CAST: variants seen among roughly 807,000 people sequenced by gnomAD.
CAST encodes the protein MIR583 host.
In CAST, 76 loss-of-function variants were observed where a neutral mutation model predicts 119.6. The ratio of observed to expected loss-of-function variants is 0.64; its 90% CI spans 0.53 to 0.77. The LOEUF (loss-of-function observed/expected upper bound fraction) is 0.77. Ranked by LOEUF, CAST falls within the 30% of genes least tolerant of loss-of-function variation. The pLI, the probability that CAST is intolerant of heterozygous loss-of-function variation, is 0.00. For missense variants in CAST, 953 were observed against 946.5 expected, an observed-to-expected ratio of 1.01 and a Z score of -0.09; for synonymous variants, 319 against 331.6, an observed-to-expected ratio of 0.96 and a Z score of 0.41.
chr5:96,128,310 C>T, the CAST span, among the ~76,000 whole-genome samples: 2 of 151,958 alleles, frequency 1.3e-5, no homozygotes, highest in South Asian at 4.1e-4. Flanking sequence ...TGAACGGGAG[C>T]GTTTATTTTG....
chr5:96,731,751 T>G, intron 9 of CAST, among the ~76,000 whole-genome samples: 1 of 138,400 alleles, frequency 7.2e-6, no homozygotes, highest in Non-Finnish European at 1.5e-5. Context: ...GAATATGCGG[T>G]GTTTGGTTTT....
chr5:96,530,544 A>G (rs190489858), intron 1 of CAST, among the ~76,000 whole-genome samples: 159 of 152,304 alleles, frequency 1.0e-3, no homozygotes, highest in African/African-American at 3.7e-3. Context: ...CATGTCCATA[A>G]ACACTTTAAA....
the CAST span, among the ~76,000 whole-genome samples, chr5:96,383,262 A>AC: frequency 9.3e-5 from 14 of 151,348 alleles, no homozygotes; most frequent in African/African-American, 2.9e-4. Flanking sequence ...AATGGAGGAA[A>AC]GCATTTCTAG....
At chr5:96,017,625 T>C in the CAST span, among the ~76,000 whole-genome samples, 1 of 152,188 alleles carries the variant, frequency 6.6e-6, no homozygotes, top group Admixed American at 6.5e-5. Context: ...TTGACATCAT[T>C]ATCAAGAGTC....
intron 27 of CAST, among the ~76,000 whole-genome samples, chr5:96,767,047 C>G (rs76989939): frequency 6.6e-4 from 101 of 152,238 alleles, no homozygotes; most frequent in Non-Finnish European, 1.0e-3. Flanking sequence ...AAGGCCCTTG[C>G]CTTTGAAGCT....
At chr5:96,722,355 T>G (rs1257231506) in intron 3 of CAST, among the ~76,000 whole-genome samples, 1 of 152,236 alleles carries the variant, frequency 6.6e-6, no homozygotes, top group Non-Finnish European at 1.5e-5. Context: ...ACAAGGTAGT[T>G]GTTAACTACT....
At chr5:96,395,606 C>T in the CAST span, among the ~76,000 whole-genome samples, 4 of 151,922 alleles carry the variant, frequency 2.6e-5, no homozygotes, top group Non-Finnish European at 1.5e-5. Context: ...AACATATGGG[C>T]ACAGGGAGGG....
chr5:96,740,816 T>A (rs766966636), intron 13 of CAST, 33 bp downstream of exon 13: 1 of 1,445,316 alleles, frequency 6.9e-7, no homozygotes, highest in Admixed American at 1.7e-5. Context: ...TGATCTAAAT[T>A]AATAGTTTTA....
At chr5:95,976,359 G>A in the CAST span, among the ~76,000 whole-genome samples, 1 of 151,876 alleles carries the variant, frequency 6.6e-6, no homozygotes, top group Admixed American at 6.6e-5. Context: ...TTAGCAACGG[G>A]GAGTCAGATT....
chr5:95,972,321 C>A, the CAST span, among the ~76,000 whole-genome samples: 1 of 151,968 alleles, frequency 6.6e-6, no homozygotes, highest in Non-Finnish European at 1.5e-5. Context: ...AGCTGCCCAA[C>A]TATTGCTCAT....
At chr5:96,029,838 A>G in the CAST span, among the ~76,000 whole-genome samples, 8 of 152,132 alleles carry the variant, frequency 5.3e-5, no homozygotes, top group Admixed American at 5.2e-4. Flanking sequence ...TGTGAAATTA[A>G]TGTTCACTTC....
At chr5:96,660,228 A>G (rs1314843857), upstream of CAST, among the ~76,000 whole-genome samples, 1 of 152,068 alleles carries the variant, frequency 6.6e-6, no homozygotes, top group African/African-American at 2.4e-5. Flanking sequence ...CTCACCAGCT[A>G]GCCAGCCTGC....
the CAST span, among the ~76,000 whole-genome samples, chr5:96,481,994 G>A: frequency 6.6e-6 from 1 of 152,080 alleles, no homozygotes; most frequent in African/African-American, 2.4e-5. Flanking sequence ...TGGCCTTGGT[G>A]CCCCACATCA....
chr5:96,336,273 A>G, the CAST span, among the ~76,000 whole-genome samples: 2 of 152,138 alleles, frequency 1.3e-5, no homozygotes, highest in Admixed American at 1.3e-4. Context: ...TTGCACATTT[A>G]CCAATAAATA....
intron 1 of CAST, among the ~76,000 whole-genome samples, chr5:96,647,280 G>T (rs1580857502): frequency 6.6e-6 from 1 of 152,156 alleles, no homozygotes; most frequent in African/African-American, 2.4e-5. Flanking sequence ...AAAGGCATTG[G>T]TTGTACAAGA....
chr5:96,056,237 C>A, the CAST span, among the ~76,000 whole-genome samples: 3 of 152,104 alleles, frequency 2.0e-5, no homozygotes, highest in Non-Finnish European at 4.4e-5. Context: ...TGCTTTCTTG[C>A]AGTTGTCTTA....
At chr5:96,573,824 G>A (rs76762288) in intron 1 of CAST, among the ~76,000 whole-genome samples, 9,144 of 152,168 alleles carry the variant, frequency 0.06, 839 homozygotes, top group East Asian at 0.31. Context: ...TCCTCATGAG[G>A]GATGATTTTT....
At chr5:96,508,851 G>A in the CAST span, among the ~76,000 whole-genome samples, 2 of 152,162 alleles carry the variant, frequency 1.3e-5, no homozygotes, top group Admixed American at 1.3e-4. Context: ...TAACTAAAAT[G>A]GAGGGGAGAA....
chr5:96,649,537 C>G (rs188460998), intron 1 of CAST, among the ~76,000 whole-genome samples: 1 of 152,316 alleles, frequency 6.6e-6, no homozygotes, highest in South Asian at 2.1e-4. Context: ...CTCTCTGGCC[C>G]TCTGCCACCT....
Sources: gnomAD v4.1 joint callset for allele counts (sites outside exome capture counted in the v4.1 genomes callset) on GRCh38, gnomAD v4.1.1 for gene constraint, MANE v1.5 for transcripts, NCBI Gene and HGNC (gene_info 2026-07-23, HGNC 2026-07-21) for gene names.